The following GRID2 variants were observed in gnomAD, a reference collection of about 807,000 sequenced individuals.
The protein encoded by GRID2 is glutamate receptor ionotropic, delta-2.
Under a neutral mutation model 114.8 loss-of-function variants are expected in GRID2, and 33 were observed. That is an observed-to-expected ratio of 0.29 (90% CI 0.22 to 0.38). The LOEUF (loss-of-function observed/expected upper bound fraction) is 0.38. Ranked by LOEUF, GRID2 falls within the 10% of genes least tolerant of loss-of-function variation. The probability of loss-of-function intolerance (pLI) is 1.00; values close to 1 mark genes in which losing one functional copy is unlikely to be tolerated. For synonymous variants in GRID2, 505 were observed against 449.9 expected (o/e 1.12, Z -1.55); for missense variants, 1,184 against 1,257.7 (o/e 0.94, Z 0.89).
intron 1 of GRID2, among the ~76,000 whole-genome samples, chr4:92,522,145 G>A (rs1247167041): frequency 6.6e-6 from 1 of 151,942 alleles, no homozygotes; most frequent in East Asian, 2.0e-4. Flanking sequence ...TGATATATGA[G>A]CGAATTCCTG....
At chr4:92,791,081 T>A (rs1739563770) in intron 2 of GRID2, among the ~76,000 whole-genome samples, 1 of 151,824 alleles carries the variant, frequency 6.6e-6, no homozygotes, top group Non-Finnish European at 1.5e-5. Context: ...TAATGCTGAT[T>A]CTCGGTAAAT....
intron 2 of GRID2, among the ~76,000 whole-genome samples, chr4:92,637,914 A>G (rs1038118261): frequency 6.6e-6 from 1 of 152,002 alleles, no homozygotes; most frequent in Non-Finnish European, 1.5e-5. Context: ...AGCTAGGGTA[A>G]TGTGGGGAAT....
At chr4:93,444,792 C>T (rs1387342763) in intron 10 of GRID2, among the ~76,000 whole-genome samples, 1 of 151,908 alleles carries the variant, frequency 6.6e-6, no homozygotes, top group Non-Finnish European at 1.5e-5. Context: ...TCTAAGATTA[C>T]ATTACATTAT....
At chr4:93,113,756 A>G (rs1732989236) in intron 4 of GRID2, among the ~76,000 whole-genome samples, 1 of 152,206 alleles carries the variant, frequency 6.6e-6, no homozygotes, top group South Asian at 2.1e-4. Flanking sequence ...TGAAATGTTG[A>G]GGAAGGAGCT....
At chr4:92,981,059 T>G (rs1179782235) in intron 2 of GRID2, among the ~76,000 whole-genome samples, 3 of 152,092 alleles carry the variant, frequency 2.0e-5, no homozygotes, top group African/African-American at 7.2e-5. Flanking sequence ...AATTCATTTC[T>G]GTCTCATTTC....
chr4:93,054,893 C>G (rs1418968086), intron 2 of GRID2, among the ~76,000 whole-genome samples: 1 of 151,664 alleles, frequency 6.6e-6, no homozygotes, highest in East Asian at 1.9e-4. Flanking sequence ...AATCTTACAA[C>G]TAGATATTTT....
At chr4:92,564,525 T>C (rs992664589) in intron 1 of GRID2, among the ~76,000 whole-genome samples, 13 of 152,002 alleles carry the variant, frequency 8.6e-5, no homozygotes, top group Admixed American at 5.9e-4. Context: ...AAGCATTCCT[T>C]TTTAAATGAA....
At chr4:92,820,415 AC>A (rs1741204093) in intron 2 of GRID2, among the ~76,000 whole-genome samples, 1 of 152,140 alleles carries the variant, frequency 6.6e-6, no homozygotes. Flanking sequence ...GATAGCAGAA[AC>A]CTAAAAATTC....
chr4:93,137,954 A>C (rs768571652), intron 4 of GRID2, among the ~76,000 whole-genome samples: 3 of 127,376 alleles, frequency 2.4e-5, no homozygotes, highest in Non-Finnish European at 5.1e-5. Context: ...GTCTAGCAAG[A>C]ATTTTTTCTT....
rs931275388 is a variant in GRID2 at position 92,526,697 on chromosome 4, C to T, written c.89-63434C>T. On this transcript the variant is annotated intron_variant, in intron 1 of 15. Coordinates refer to ENST00000282020, the MANE Select transcript of GRID2 (RefSeq NM_001510.4). ...TAAGCCTTAAGTTAGGTCAATTCTGCATTAAAATAAACACCTATCTAATTG... is the reference window on the plus strand; with the variant it reads ...TAAGCCTTAAGTTAGGTCAATTCTGTATTAAAATAAACACCTATCTAATTG... Among the ~76,000 whole-genome samples, 5 of 151,690 alleles carry T rather than the reference C, an allele frequency of 3.3e-5. No individual in the cohort carries two copies. The Admixed American group carries it at 3.3e-4, about 10-fold the overall frequency.
intron 2 of GRID2, among the ~76,000 whole-genome samples, chr4:92,652,480 C>T (rs1471308577): frequency 6.6e-6 from 1 of 151,482 alleles, no homozygotes; most frequent in Non-Finnish European, 1.5e-5. Flanking sequence ...GAGTTTGAGG[C>T]TTGCCTGGGC....
chr4:92,447,419 A>C (rs1733525919), intron 1 of GRID2, among the ~76,000 whole-genome samples: 1 of 152,164 alleles, frequency 6.6e-6, no homozygotes, highest in Non-Finnish European at 1.5e-5. Context: ...AAACAGCTGA[A>C]GGGTGTCAAG....
chr4:93,415,674 C>G (rs1477367553), intron 9 of GRID2, among the ~76,000 whole-genome samples: 1 of 151,952 alleles, frequency 6.6e-6, no homozygotes, highest in Non-Finnish European at 1.5e-5. Context: ...ATTGTCTTGT[C>G]CACTCTCCAC....
intron 11 of GRID2, among the ~76,000 whole-genome samples, chr4:93,461,772 A>G (rs1459902062): frequency 6.6e-6 from 1 of 152,102 alleles, no homozygotes; most frequent in Non-Finnish European, 1.5e-5. Context: ...ATGAGAGACC[A>G]ATTTTATACA....
intron 13 of GRID2, among the ~76,000 whole-genome samples, chr4:93,601,076 G>A (rs1461840408): frequency 3.9e-5 from 6 of 152,200 alleles, no homozygotes; most frequent in Non-Finnish European, 8.8e-5. Context: ...AACTGAGGCA[G>A]TAGATTCACA....
At chr4:93,637,605 A>G (rs1721529010) in intron 14 of GRID2, among the ~76,000 whole-genome samples, 1 of 152,192 alleles carries the variant, frequency 6.6e-6, no homozygotes, top group South Asian at 2.1e-4. Flanking sequence ...CTTAAATGGT[A>G]TGCCAATAAC....
intron 2 of GRID2, among the ~76,000 whole-genome samples, chr4:92,902,909 TC>T (rs1228071520): frequency 6.6e-6 from 1 of 151,978 alleles, no homozygotes; most frequent in Non-Finnish European, 1.5e-5. Flanking sequence ...AACACATGGA[TC>T]TATGTGTTGA....
At chr4:93,097,412 T>C (rs1367268834) in intron 3 of GRID2, among the ~76,000 whole-genome samples, 1 of 151,860 alleles carries the variant, frequency 6.6e-6, no homozygotes, top group African/African-American at 2.4e-5. Flanking sequence ...TGAATCATGA[T>C]GATTTAGAGA....
At chr4:93,732,834 A>G (rs376571519) in intron 14 of GRID2, among the ~76,000 whole-genome samples, 1 of 152,148 alleles carries the variant, frequency 6.6e-6, no homozygotes, top group East Asian at 1.9e-4. Flanking sequence ...TCCTTTCCTT[A>G]CCTTCTCTCC....
Sources: gnomAD v4.1 joint callset for allele counts (sites outside exome capture counted in the v4.1 genomes callset) on GRCh38, gnomAD v4.1.1 for gene constraint, MANE v1.5 for transcripts, NCBI Gene and HGNC (gene_info 2026-07-23, HGNC 2026-07-21) for gene names.